Variants in KCNIP4 observed in about 807,000 individuals in gnomAD.
KCNIP4 encodes the protein potassium voltage-gated channel interacting protein 4, also known as Kv channel-interacting protein 4.
A neutral mutation model predicts 34.0 loss-of-function variants in KCNIP4; 12 were observed. The ratio of observed to expected loss-of-function variants is 0.35; its 90% CI spans 0.23 to 0.57. The LOEUF is 0.57. Ranked by LOEUF, KCNIP4 falls within the 20% of genes least tolerant of loss-of-function variation. The pLI is 0.83. For synonymous variants in KCNIP4, 124 were observed against 102.2 expected, an observed-to-expected ratio of 1.21 and a Z score of -1.29; for missense variants, 238 against 311.7, an observed-to-expected ratio of 0.76 and a Z score of 1.78.
intron 1 of KCNIP4, among the ~76,000 whole-genome samples, chr4:21,282,439 C>G (rs1762833961): frequency 6.8e-6 from 1 of 148,092 alleles, no homozygotes; most frequent in East Asian, 2.0e-4. Context: ...GTGTTAAAGA[C>G]TGGCACCAAA....
At chr4:20,863,651 A>T (rs370221492) in intron 2 of KCNIP4, among the ~76,000 whole-genome samples, 3 of 152,268 alleles carry the variant, frequency 2.0e-5, no homozygotes, top group South Asian at 4.1e-4. Context: ...GCCTACGCCC[A>T]GGAATGAACA....
At chr4:20,963,618 T>G (rs937681341) in intron 1 of KCNIP4, among the ~76,000 whole-genome samples, 1 of 151,986 alleles carries the variant, frequency 6.6e-6, no homozygotes, top group Admixed American at 6.6e-5. Flanking sequence ...AGAGAAGAAA[T>G]GCAATAAACA....
At chr4:21,323,863 C>G (rs1284522973) in intron 1 of KCNIP4, among the ~76,000 whole-genome samples, 1 of 151,988 alleles carries the variant, frequency 6.6e-6, no homozygotes, top group African/African-American at 2.4e-5. Context: ...ACGTTCCTAC[C>G]AATAGTGTAC....
intron 1 of KCNIP4, among the ~76,000 whole-genome samples, chr4:21,346,771 G>T (rs1228843085): frequency 6.6e-6 from 1 of 152,044 alleles, no homozygotes; most frequent in African/African-American, 2.4e-5. Context: ...TGCTGATGCT[G>T]CCGAAACTCA....
At chr4:21,730,902 G>A (rs1192009065) in intron 1 of KCNIP4, among the ~76,000 whole-genome samples, 3 of 151,960 alleles carry the variant, frequency 2.0e-5, no homozygotes, top group Non-Finnish European at 2.9e-5. Context: ...AGCTGGAGTC[G>A]AGGATTTTGA....
rs139195109 is a variant in KCNIP4, at chr4:21,548,526, T to C, written c.61+400045A>G. Among the ~76,000 whole-genome samples the C allele has an allele frequency of 1.1e-3, 164 of 152,074 alleles. 3 individuals are homozygous for C. The highest frequency in any genetic ancestry group is 3.8e-3 in the African/African-American group (156 of 41,518). On this transcript the variant is annotated intron_variant, in intron 1 of 8. Coordinates refer to ENST00000382152, the MANE Select transcript of KCNIP4 (RefSeq NM_025221.6). ...CATATAAAATGTATCTGCAAATATG[T>C]CTATAATGACTGCTGATCATAAGAT... is the stretch of plus-strand genomic sequence containing the variant.
At chr4:21,497,188 C>T (rs1732922364) in intron 1 of KCNIP4, among the ~76,000 whole-genome samples, 1 of 152,126 alleles carries the variant, frequency 6.6e-6, no homozygotes, top group South Asian at 2.1e-4. Flanking sequence ...AAAGAGCATC[C>T]TCTGGAGGAG....
At chr4:20,964,471 T>A (rs893881561) in intron 1 of KCNIP4, among the ~76,000 whole-genome samples, 22 of 152,218 alleles carry the variant, frequency 1.4e-4, no homozygotes, top group African/African-American at 5.3e-4. Flanking sequence ...TGTGGCAACA[T>A]TCAAAGAAAG....
At chr4:20,887,347 A>G (rs1468415573) in intron 1 of KCNIP4, among the ~76,000 whole-genome samples, 2 of 151,278 alleles carry the variant, frequency 1.3e-5, no homozygotes, top group Non-Finnish European at 3.0e-5. Context: ...AATATTCCAC[A>G]TATGTTTTAA....
Position 20,983,911 on chromosome 4 carries a change from C to T in KCNIP4, c.62-101202G>A. On this transcript the variant is annotated intron_variant, in intron 1 of 8. Transcript: ENST00000382152. The stretch of plus-strand genomic sequence containing the variant: ...CTGTTTGCAGTCCTTCGGACTCCCA[C>T]TCCAGAGTCAACATCCTCTGAGCTG... 4 of 1,536,088 alleles carry T rather than the reference C, an allele frequency of 2.6e-6. No homozygotes were observed. In the South Asian group the frequency reaches 3.6e-5, roughly 14 times the overall value.
intron 1 of KCNIP4, among the ~76,000 whole-genome samples, chr4:21,441,924 C>T (rs1462433115): frequency 6.6e-6 from 1 of 152,124 alleles, no homozygotes; most frequent in African/African-American, 2.4e-5. Context: ...ATCTAATATA[C>T]TTACATTACT....
At chr4:21,612,847 A>C (rs1053056811) in intron 1 of KCNIP4, among the ~76,000 whole-genome samples, 1 of 152,202 alleles carries the variant, frequency 6.6e-6, no homozygotes, top group Non-Finnish European at 1.5e-5. Flanking sequence ...TATAAGAAGC[A>C]CTATGTAAAG....
intron 1 of KCNIP4, among the ~76,000 whole-genome samples, chr4:21,009,343 A>G (rs940479188): frequency 6.6e-6 from 1 of 152,226 alleles, no homozygotes; most frequent in Non-Finnish European, 1.5e-5. Flanking sequence ...GAGTGTCAAT[A>G]AACCCTGGGT....
At chr4:21,165,863 A>G (rs1428922929) in intron 1 of KCNIP4, among the ~76,000 whole-genome samples, 1 of 152,194 alleles carries the variant, frequency 6.6e-6, no homozygotes, top group Non-Finnish European at 1.5e-5. Flanking sequence ...TTAAGAGATG[A>G]CTTGGCCATG....
At chr4:21,748,960 A>G (rs1354494740) in intron 1 of KCNIP4, among the ~76,000 whole-genome samples, 2 of 152,180 alleles carry the variant, frequency 1.3e-5, no homozygotes, top group African/African-American at 4.8e-5. Context: ...TAACCACAGT[A>G]CAATACTGCT....
chr4:21,315,296 C>A lies in KCNIP4; in HGVS notation c.62-432587G>T, dbSNP rs186511833. ...CTCAGCCTACTCAATGTGAAGATGA[C>A]GAAGATGAAAGCCTTTATGATGATC... On this transcript the variant is annotated intron_variant, in intron 1 of 8. Transcript: ENST00000382152. 3.2e-3 allele frequency: 503 copies of A among 157,346 alleles called. 4 individuals are homozygous for A. Among genetic ancestry groups the A allele is most frequent in the Admixed American group, 5.7e-3 (89 of 15,588 alleles). The allele number at this position is 157,346 out of a possible 1,614,324, so 9.7% of individuals were successfully genotyped here.
chr4:21,640,630 T>C (rs1203047217), intron 1 of KCNIP4, among the ~76,000 whole-genome samples: 3 of 152,174 alleles, frequency 2.0e-5, no homozygotes, highest in Non-Finnish European at 2.9e-5. Context: ...GATACAGCCC[T>C]TTCTCAATCC....
At chr4:20,805,906 G>A (rs188684560) in intron 3 of KCNIP4, among the ~76,000 whole-genome samples, 19 of 152,222 alleles carry the variant, frequency 1.2e-4, no homozygotes, top group East Asian at 7.7e-4. Context: ...TCATGTAAAT[G>A]TACTAGGGTA....
At chr4:20,923,060 G>A (rs550133518) in intron 1 of KCNIP4, among the ~76,000 whole-genome samples, 1 of 152,138 alleles carries the variant, frequency 6.6e-6, no homozygotes, top group Non-Finnish European at 1.5e-5. Flanking sequence ...CAAAGGGAGT[G>A]ATTTGTCAAA....
Sources: allele counts gnomAD v4.1 joint callset (sites outside exome capture counted in the v4.1 genomes callset), GRCh38; gene constraint gnomAD v4.1.1; transcripts MANE v1.5; gene names NCBI Gene and HGNC (gene_info 2026-07-23, HGNC 2026-07-21).